The following CPM variants were observed in gnomAD, a reference collection of about 807,000 sequenced individuals.
The protein encoded by CPM is renal carboxypeptidase.
A neutral mutation model predicts 46.4 loss-of-function variants in CPM; 35 were observed. The observed-to-expected ratio is 0.75, with a 90% CI of 0.58 to 1.00. The LOEUF (loss-of-function observed/expected upper bound fraction) is 1.00. CPM is among the 50% of genes least tolerant of loss of function. The probability of loss-of-function intolerance (pLI) is 0.00; values close to 1 mark genes in which losing one functional copy is unlikely to be tolerated. For missense variants in CPM, 422 were observed against 530.4 expected (o/e 0.80, Z 2.01); for synonymous variants, 195 against 195.3 (o/e 1.00, Z 0.01).
chr12:68,844,774 A>T (rs1884127126), intron 5 of CPM: 2 of 202,740 alleles, frequency 9.9e-6, no homozygotes, highest in Non-Finnish European at 1.0e-5. Flanking sequence ...TTTTATTTTT[A>T]TTTATTTTTT....
intron 1 of CPM, among the ~76,000 whole-genome samples, chr12:68,957,912 G>A (rs964013897): frequency 2.1e-5 from 3 of 139,726 alleles, no homozygotes; most frequent in Non-Finnish European, 4.5e-5. Context: ...TCATTGTTCA[G>A]TTCCCACCTA....
At chr12:68,903,224 GT>G (rs1592678642) in intron 2 of CPM, among the ~76,000 whole-genome samples, 1 of 152,294 alleles carries the variant, frequency 6.6e-6, no homozygotes, top group East Asian at 1.9e-4. Flanking sequence ...CTGATCACAT[GT>G]TTTTTCCTGA....
At chr12:68,883,264 G>A (rs1346703987) in intron 3 of CPM, among the ~76,000 whole-genome samples, 1 of 152,186 alleles carries the variant, frequency 6.6e-6, no homozygotes, top group African/African-American at 2.4e-5. Context: ...TCTTAAAAAT[G>A]CTTTCAATTT....
intron 2 of CPM, among the ~76,000 whole-genome samples, chr12:68,929,481 T>C (rs535077880): frequency 1.3e-4 from 20 of 152,326 alleles, no homozygotes; most frequent in Non-Finnish European, 1.8e-4. Context: ...CAGTACTTTT[T>C]TGCTTCTCTT....
At chr12:68,872,553 G>A (rs1471040902) in intron 3 of CPM, among the ~76,000 whole-genome samples, 3 of 151,984 alleles carry the variant, frequency 2.0e-5, no homozygotes, top group Admixed American at 6.6e-5. Context: ...GCGCCCGGCC[G>A]CAATAATGAT....
At chr12:68,898,349 C>G (rs1271550444) in intron 2 of CPM, among the ~76,000 whole-genome samples, 1 of 152,162 alleles carries the variant, frequency 6.6e-6, no homozygotes, top group Admixed American at 6.6e-5. Context: ...CTAGTTTCCC[C>G]ATAAGCTACT....
At chr12:68,956,409 T>C (rs11614448) in intron 1 of CPM, among the ~76,000 whole-genome samples, 25,184 of 152,126 alleles carry the variant, frequency 0.17, 2,190 homozygotes, top group Middle Eastern at 0.2. Flanking sequence ...GAAGGGTCTG[T>C]TCCCGGCTCC....
At chr12:68,960,410 T>A (rs533580540) in intron 1 of CPM, among the ~76,000 whole-genome samples, 1 of 152,340 alleles carries the variant, frequency 6.6e-6, no homozygotes, top group Non-Finnish European at 1.5e-5. Flanking sequence ...GAAACGTGGA[T>A]GTAACTATTG....
chr12:68,871,735 C>A (rs1362734351), intron 4 of CPM, 49 bp downstream of exon 4: 1 of 1,600,976 alleles, frequency 6.2e-7, no homozygotes, highest in South Asian at 1.1e-5. Context: ...CTGTCGGGAG[C>A]CTTTGTGTTG....
chr12:68,869,001 A>G (rs1885575892), intron 6 of CPM, among the ~76,000 whole-genome samples: 1 of 152,108 alleles, frequency 6.6e-6, no homozygotes, highest in Admixed American at 6.6e-5. Flanking sequence ...TGCTATCACA[A>G]TTACTTATCT....
intron 3 of CPM, among the ~76,000 whole-genome samples, chr12:68,877,407 C>T (rs896544296): frequency 1.3e-5 from 2 of 152,186 alleles, no homozygotes; most frequent in Non-Finnish European, 2.9e-5. Context: ...TGAGGAAGAA[C>T]TTTCTGAAAT....
intron 1 of CPM, among the ~76,000 whole-genome samples, chr12:68,950,544 TG>T (rs1213106556): frequency 2.6e-5 from 4 of 152,086 alleles, no homozygotes; most frequent in African/African-American, 9.7e-5. Flanking sequence ...ATTTGGAAGG[TG>T]GGAGTTAAGT....
At position 68,869,446 on chromosome 12, in the gene CPM, A is replaced by G; in HGVS notation, c.666T>C (p.Phe222=). Reference sequence around the variant, plus strand: ...AAGCATAGGTATGTGCAAGATATTGAAAAACATCATCATCAGGCGTTAAGC... The same window carrying G: ...AAGCATAGGTATGTGCAAGATATTGGAAAACATCATCATCAGGCGTTAAGC... ...SRSLTPDDDV[F]QYLAHTYASR... is the part of the protein sequence containing the mutation. The change falls in exon 6 of 9, where the codon TTT becomes TTC. Residue 222 remains phenylalanine (F), a synonymous_variant. Coordinates refer to ENST00000551568, the MANE Select transcript of CPM (RefSeq NM_198320.5). The G allele has an allele frequency of 1.2e-6, 2 of 1,613,500 alleles. No individual in the cohort carries two copies. The highest frequency in any genetic ancestry group is 1.7e-6 in the Non-Finnish European group (2 of 1,179,660).
intron 8 of CPM, among the ~76,000 whole-genome samples, chr12:68,858,583 A>G (rs1053078673): frequency 6.6e-6 from 1 of 152,146 alleles, no homozygotes; most frequent in African/African-American, 2.4e-5. Context: ...GTTGTGTCGT[A>G]TCCTGGGAAA....
chr12:68,874,548 G>A (rs1328571610), intron 3 of CPM, among the ~76,000 whole-genome samples: 2 of 152,042 alleles, frequency 1.3e-5, no homozygotes, highest in African/African-American at 2.4e-5. Context: ...CCTAGGAGGC[G>A]GAGGTTGCAA....
intron 1 of CPM, among the ~76,000 whole-genome samples, chr12:68,953,422 A>G (rs1002090984): frequency 6.6e-6 from 1 of 152,186 alleles, no homozygotes; most frequent in Non-Finnish European, 1.5e-5. Flanking sequence ...AATCTCTTCA[A>G]TAATCTTTTC....
At chr12:68,952,026 ACATGTTGTGCTATGC>A (rs1888943713) in intron 1 of CPM, among the ~76,000 whole-genome samples, 1 of 152,082 alleles carries the variant, frequency 6.6e-6, no homozygotes, top group African/African-American at 2.4e-5. Flanking sequence ...CCTCTCCGGG[ACATGTTGTGCTATGC>A]CATGTTGTGC....
In CPM at chr12:68,853,464, G is replaced by A. The variant is rs1298070342; in HGVS notation, c.*2973C>T. On this transcript the variant is annotated 3_prime_UTR_variant, in exon 9 of 9. Coordinates refer to ENST00000551568, the MANE Select transcript of CPM (RefSeq NM_198320.5). ...CAGATTTCATAATTGGTTTAAATAA[G>A]CCTCCAATTTGTTTATATTTATTAA... is the stretch of plus-strand genomic sequence containing the variant. 2.0e-5 allele frequency: 3 copies of A among 150,318 alleles called. No homozygotes were observed. The highest frequency in any genetic ancestry group is 7.6e-5 in the African/African-American group (3 of 39,728). 9.3% of individuals were successfully genotyped at this position (150,318 alleles called of 1,614,324 possible).
intron 7 of CPM, among the ~76,000 whole-genome samples, chr12:68,859,471 G>A (rs988969985): frequency 2.6e-5 from 4 of 152,134 alleles, no homozygotes; most frequent in Admixed American, 1.3e-4. Context: ...AAATATTTAC[G>A]TGTGCGAGGG....
Sources: allele counts gnomAD v4.1 joint callset (sites outside exome capture counted in the v4.1 genomes callset), GRCh38; gene constraint gnomAD v4.1.1; transcripts MANE v1.5; gene names NCBI Gene and HGNC (gene_info 2026-07-23, HGNC 2026-07-21).